FOXP1: variants seen among roughly 807,000 people sequenced by gnomAD.
The protein encoded by FOXP1 is forkhead box P1.
Under a neutral mutation model 98.2 loss-of-function variants are expected in FOXP1, and 15 were observed. The ratio of observed to expected loss-of-function variants is 0.15; its 90% CI spans 0.10 to 0.24. The LOEUF is 0.24. Ranked by LOEUF, FOXP1 falls within the 10% of genes least tolerant of loss-of-function variation. The pLI is 1.00. For synonymous variants in FOXP1, 371 were observed against 314.5 expected (o/e 1.18, Z -1.90); for missense variants, 633 against 848.5 (o/e 0.75, Z 3.15).
chr3:71,031,286 T>C (rs1052954582), intron 11 of FOXP1, among the ~76,000 whole-genome samples: 2 of 152,234 alleles, frequency 1.3e-5, no homozygotes, highest in Non-Finnish European at 2.9e-5. Flanking sequence ...CTGATTTCCT[T>C]GAAGACTATA....
At chr3:71,348,486 A>G (rs979955242) in intron 4 of FOXP1, among the ~76,000 whole-genome samples, 10 of 150,334 alleles carry the variant, frequency 6.7e-5, no homozygotes, top group Non-Finnish European at 1.0e-4. Flanking sequence ...AACACCTCCC[A>G]GGTGCCAGTT....
At chr3:71,450,547 CTT>C (rs2086852004) in intron 3 of FOXP1, among the ~76,000 whole-genome samples, 1 of 152,220 alleles carries the variant, frequency 6.6e-6, no homozygotes. Flanking sequence ...ATGGCTTGCT[CTT>C]GTTTCTGAAC....
intron 3 of FOXP1, among the ~76,000 whole-genome samples, chr3:71,396,414 T>C (rs549628198): frequency 2.0e-5 from 3 of 152,236 alleles, no homozygotes; most frequent in East Asian, 1.9e-4. Flanking sequence ...CTCCATTTTG[T>C]AAATGAGGAA....
At chr3:71,318,822 A>C (rs2075230753) in intron 4 of FOXP1, among the ~76,000 whole-genome samples, 1 of 152,226 alleles carries the variant, frequency 6.6e-6, no homozygotes, top group South Asian at 2.1e-4. Context: ...AGGTCCTGGT[A>C]GTAAAAACCT....
At chr3:71,072,264 A>AGCCCTGATCACGTCATTGCACTGT (rs2053339574) in intron 7 of FOXP1, among the ~76,000 whole-genome samples, 2 of 152,186 alleles carry the variant, frequency 1.3e-5, no homozygotes, top group Non-Finnish European at 2.9e-5. Flanking sequence ...GGTTGCAGTG[A>AGCCCTGATCACGTCATTGCACTGT]GCCCTGATCA....
At chr3:71,439,806 T>C (rs1396744750) in intron 3 of FOXP1, among the ~76,000 whole-genome samples, 2 of 151,700 alleles carry the variant, frequency 1.3e-5, no homozygotes, top group Non-Finnish European at 2.9e-5. Flanking sequence ...ATTAGCTGAG[T>C]GTGGTGGTGC....
chr3:71,223,693 C>CAAAAAA (rs34686001), intron 5 of FOXP1, among the ~76,000 whole-genome samples: 1 of 90,122 alleles, frequency 1.1e-5, no homozygotes, highest in African/African-American at 3.5e-5. Flanking sequence ...GACTACGTCT[C>CAAAAAA]AAAAAAAAAA....
chr3:70,958,486 G>T lies in FOXP1; in HGVS notation c.*761C>A, dbSNP rs2032394801. The T allele has an allele frequency of 2.6e-6, 1 of 388,996 alleles. No homozygotes were observed. The highest frequency in any genetic ancestry group is 4.9e-6 in the Non-Finnish European group (1 of 202,218). 24.1% of individuals were successfully genotyped at this position (388,996 alleles called of 1,614,324 possible). A position where few individuals can be genotyped will look rare whatever the true frequency, so the allele number is the denominator to read the frequency against. ...AGGAAGATGGAATGAGTGACAGAAA[G>T]CTACAAACGAGAAATGACATTCAGC... On this transcript the variant is annotated 3_prime_UTR_variant, in exon 21 of 21. Transcript: ENST00000649528.
chr3:71,425,973 G>A (rs2084119459), intron 3 of FOXP1, among the ~76,000 whole-genome samples: 1 of 152,168 alleles, frequency 6.6e-6, no homozygotes, highest in Non-Finnish European at 1.5e-5. Context: ...CTGCAGGCCA[G>A]CTGGGTTTGA....
chr3:70,955,438 T>C lies in FOXP1; in HGVS notation c.*3809A>G, dbSNP rs1366163430. 3 of 232,782 alleles carry C rather than the reference T, an allele frequency of 1.3e-5. No homozygotes were observed. Among genetic ancestry groups the C allele is most frequent in the African/African-American group, 4.4e-5 (2 of 45,298 alleles). 14.4% of individuals were successfully genotyped at this position (232,782 alleles called of 1,614,324 possible). A position where few individuals can be genotyped will look rare whatever the true frequency, so the allele number is the denominator to read the frequency against. The stretch of plus-strand genomic sequence containing the variant: ...CTAACTCATCTTACAAGACGGACTC[T>C]AGGGACAGGTAGGTTGGATCCTCAT... On this transcript the variant is annotated 3_prime_UTR_variant, in exon 21 of 21. Transcript: ENST00000649528.
Position 71,198,817 on chromosome 3 carries a change from G to T in FOXP1, c.-11-425C>A, listed in dbSNP as rs188082572. ...AAGAGATTCTCCTGCCTCAGCCTCC[G>T]AGTAGCTAGGATTACAGGTGCATGC... On this transcript the variant is annotated intron_variant, in intron 5 of 20. Transcript: ENST00000649528. Among the ~76,000 whole-genome samples the T allele has an allele frequency of 5.4e-4, 81 of 151,190 alleles. 2 individuals carry two copies. The highest frequency in any genetic ancestry group is 1.8e-3 in the African/African-American group (76 of 41,178).
intron 5 of FOXP1, among the ~76,000 whole-genome samples, chr3:71,202,036 C>T (rs2063711438): frequency 6.6e-6 from 1 of 152,174 alleles, no homozygotes; most frequent in Admixed American, 6.5e-5. Context: ...AGAGATTGGT[C>T]CTGCTTTTGT....
chr3:71,491,029 A>G (rs796935684), intron 3 of FOXP1, among the ~76,000 whole-genome samples: 2 of 152,156 alleles, frequency 1.3e-5, no homozygotes, highest in African/African-American at 4.8e-5. Flanking sequence ...TATTATTATT[A>G]TTTTGAGACG....
chr3:71,441,499 G>A (rs967998713), intron 3 of FOXP1, among the ~76,000 whole-genome samples: 3 of 152,246 alleles, frequency 2.0e-5, no homozygotes, highest in African/African-American at 7.2e-5. Flanking sequence ...CCTGTGAGCA[G>A]GCAGTGGAGT....
At chr3:71,220,665 A>G (rs1397324612) in intron 5 of FOXP1, among the ~76,000 whole-genome samples, 1 of 151,964 alleles carries the variant, frequency 6.6e-6, no homozygotes, top group Non-Finnish European at 1.5e-5. Flanking sequence ...AGGTGGGAGG[A>G]TCACCTGAGC....
intron 3 of FOXP1, among the ~76,000 whole-genome samples, chr3:71,429,142 T>G (rs1410511192): frequency 6.6e-6 from 1 of 152,088 alleles, no homozygotes; most frequent in Non-Finnish European, 1.5e-5. Context: ...CAGGCTGCCC[T>G]CATGCTCTGC....
chr3:71,550,249 T>G (rs554031799), intron 2 of FOXP1, among the ~76,000 whole-genome samples: 46 of 152,282 alleles, frequency 3.0e-4, no homozygotes, highest in African/African-American at 1.1e-3. Context: ...AAAACGATTA[T>G]AAATCACATA....
intron 4 of FOXP1, among the ~76,000 whole-genome samples, chr3:71,331,581 A>T (rs1024295851): frequency 6.6e-6 from 1 of 152,370 alleles, no homozygotes; most frequent in East Asian, 1.9e-4. Flanking sequence ...GGGGACTTGG[A>T]GAATCTTCAC....
At chr3:71,554,923 T>C (rs1368709022) in intron 2 of FOXP1, among the ~76,000 whole-genome samples, 2 of 152,174 alleles carry the variant, frequency 1.3e-5, no homozygotes, top group East Asian at 1.9e-4. Context: ...CAAGAGTAGA[T>C]AGTAAATGTC....
Sources: gnomAD v4.1 joint callset for allele counts (sites outside exome capture counted in the v4.1 genomes callset) on GRCh38, gnomAD v4.1.1 for gene constraint, MANE v1.5 for transcripts, NCBI Gene and HGNC (gene_info 2026-07-23, HGNC 2026-07-21) for gene names.